Variants in MED25 observed in about 807,000 individuals in gnomAD.
MED25 encodes mediator complex subunit 25.
A neutral mutation model predicts 89.4 loss-of-function variants in MED25; 62 were observed. The observed-to-expected ratio is 0.69, with a 90% CI of 0.57 to 0.86. The LOEUF (loss-of-function observed/expected upper bound fraction) is 0.86, where lower values mean the gene tolerates loss of function less well. Ranked by LOEUF, MED25 falls within the 40% of genes least tolerant of loss-of-function variation. The probability of loss-of-function intolerance (pLI) is 0.00; values close to 1 mark genes in which losing one functional copy is unlikely to be tolerated. For synonymous variants in MED25, 449 were observed against 427.9 expected (o/e 1.05, Z -0.61); for missense variants, 905 against 1,005.2 (o/e 0.90, Z 1.35).
At chr19:49,824,794 C>T (rs1003753183) in intron 3 of MED25, among the ~76,000 whole-genome samples, 6 of 152,126 alleles carry the variant, frequency 3.9e-5, no homozygotes, top group Non-Finnish European at 7.4e-5. Flanking sequence ...GGTGACAGGC[C>T]GTGTGTAGGG....
At chr19:49,837,373 G>A (rs945846910), downstream of MED25, among the ~76,000 whole-genome samples, 2 of 152,250 alleles carry the variant, frequency 1.3e-5, no homozygotes, top group Admixed American at 6.5e-5. Flanking sequence ...ACATTGAGAG[G>A]AGCAAGTTGA....
intron 3 of MED25, among the ~76,000 whole-genome samples, chr19:49,826,650 T>C (rs2074017746): frequency 6.6e-6 from 1 of 152,202 alleles, no homozygotes; most frequent in African/African-American, 2.4e-5. Context: ...GGAGAGAAGC[T>C]TGACAGCTGC....
intron 3 of MED25, among the ~76,000 whole-genome samples, chr19:49,827,952 G>A (rs533461707): frequency 4.0e-4 from 61 of 152,180 alleles, no homozygotes; most frequent in Non-Finnish European, 7.5e-4. Context: ...AATGTCGGCC[G>A]GGTGTGGTGG....
chr19:49,835,703 C>A lies in MED25; in HGVS notation c.1747-24C>A. On this transcript the variant is annotated intron_variant, in intron 15 of 17. Coordinates refer to ENST00000312865, the MANE Select transcript of MED25 (RefSeq NM_030973.4). This position sits in a 1 kb window ranked among gnomAD's most constrained non-coding sequence, Gnocchi z 6.2. ...GGCGTGAGGCCCTGCCCATCTCCCT[C>A]ACCCCTGTGTCTCTTCCCACCAGCT... 6.2e-7 allele frequency: 1 copy of A among 1,603,726 alleles called. No individual in the cohort carries two copies. The highest frequency in any genetic ancestry group is 1.1e-5 in the South Asian group (1 of 89,496).
intron 3 of MED25, among the ~76,000 whole-genome samples, chr19:49,826,784 C>T (rs542045263): frequency 3.3e-5 from 5 of 152,292 alleles, no homozygotes; most frequent in South Asian, 4.1e-4. Context: ...CCATCCGGGC[C>T]GGAATGGGTG....
Position 49,829,807 on chromosome 19 carries a change from G to T in MED25, c.547G>T (p.Val183Leu). 1 of 1,600,552 alleles carries T rather than the reference G, an allele frequency of 6.2e-7. No individual in the cohort carries two copies. Among genetic ancestry groups the T allele is most frequent in the Non-Finnish European group, 8.5e-7 (1 of 1,173,794 alleles). Residue 183 changes from valine (V) to leucine (L), a missense_variant, in exon 6 of 18, where the codon GTG becomes TTG. By Grantham distance (32) the Val-to-Leu change is conservative. Coordinates refer to ENST00000312865, the MANE Select transcript of MED25 (RefSeq NM_030973.4). This position sits in a 1 kb window ranked among gnomAD's most constrained non-coding sequence, Gnocchi z 4.6. The stretch of plus-strand genomic sequence containing the variant: ...ACAGCGGGGGATCCACTTCTCCATT[G>T]TGTCTCCCCGGAAGCTGCCTGCGCT... The part of the protein sequence containing the change: ...IGERGIHFSI[V>L]SPRKLPALRL...
downstream of MED25, chr19:49,839,107 A>G (rs1377888113): frequency 3.5e-6 from 1 of 285,064 alleles, no homozygotes; most frequent in Non-Finnish European, 6.8e-6. Flanking sequence ...CGCTGCTCAT[A>G]AACTATTACC....
At chr19:49,820,728 C>T (rs2073975954) in intron 3 of MED25, among the ~76,000 whole-genome samples, 1 of 152,212 alleles carries the variant, frequency 6.6e-6, no homozygotes, top group African/African-American at 2.4e-5. Context: ...GAACTTATTT[C>T]TCTTTTTAAT....
intron 3 of MED25, among the ~76,000 whole-genome samples, chr19:49,828,070 A>C (rs549866148): frequency 6.6e-6 from 1 of 152,282 alleles, no homozygotes; most frequent in South Asian, 2.1e-4. Flanking sequence ...TCTACTAAAA[A>C]TACAAAAAAT....
rs2074064696 is a variant in MED25 at position 49,832,375 on chromosome 19, A to G, written c.1442A>G (p.Glu481Gly). The G allele has an allele frequency of 3.1e-6, 5 of 1,611,010 alleles. No homozygotes were observed. The highest frequency in any genetic ancestry group is 4.2e-6 in the Non-Finnish European group (5 of 1,178,392). ...VQFHFTNKDL[E>G]SLKGLYRIMG... ...TTCCATTTCACCAACAAGGACCTGG[A>G]GTCTCTCAAAGGCCTCTACCGCATC... Residue 481 changes from glutamate to glycine, a missense_variant, in exon 13 of 18, where the codon GAG becomes GGG. This residue lies in a region of MED25 where 133 missense variants were observed against 220.2 expected (regional missense o/e 0.60). Transcript: ENST00000312865.
At chr19:49,823,975 C>T (rs867471150) in intron 3 of MED25, among the ~76,000 whole-genome samples, 5 of 152,056 alleles carry the variant, frequency 3.3e-5, no homozygotes, top group African/African-American at 4.8e-5. Flanking sequence ...GGGAAGGGGG[C>T]GCAAAATGTA....
Position 49,836,046 on chromosome 19 carries a change from T to G in MED25, c.1965+101T>G. On this transcript the variant is annotated intron_variant, in intron 16 of 17. Coordinates refer to ENST00000312865, the MANE Select transcript of MED25 (RefSeq NM_030973.4). The surrounding 1 kb of genome is among the most constrained non-coding windows in gnomAD (Gnocchi z 5.1). ...GGAGGTTGACTGTGGTCAGTGGGTG[T>G]GAATGGGGACCCGCCCAGGGCTTTA... 1 of 1,557,262 alleles carries G rather than the reference T, an allele frequency of 6.4e-7. No individual in the cohort carries two copies. The highest frequency in any genetic ancestry group is 8.7e-7 in the Non-Finnish European group (1 of 1,152,134).
intron 3 of MED25, among the ~76,000 whole-genome samples, chr19:49,822,779 C>T (rs2073992334): frequency 6.6e-6 from 1 of 151,096 alleles, no homozygotes; most frequent in South Asian, 2.1e-4. Context: ...TCCTGAGTAG[C>T]TGGGACTACA....
intron 3 of MED25, among the ~76,000 whole-genome samples, chr19:49,822,736 C>A (rs2073991989): frequency 6.7e-6 from 1 of 148,834 alleles, no homozygotes. Context: ...CAAGCTCCGC[C>A]TCCCGAGTTC....
downstream of MED25, among the ~76,000 whole-genome samples, chr19:49,838,080 G>T (rs566865935): frequency 6.6e-6 from 1 of 152,252 alleles, no homozygotes; most frequent in South Asian, 2.1e-4. Context: ...CTCTGGACCA[G>T]TGTTGCTGAG....
rs867520252 is a variant in MED25, at chr19:49,834,555, G to T, written c.1483-431G>T. ...GTGGTGTACACTGGCCGGTGCTGAG[G>T]GCTGGAGGATCTCTTGGATACCCGG... is the stretch of plus-strand genomic sequence containing the variant. On this transcript the variant is annotated intron_variant, in intron 13 of 17. Transcript: ENST00000312865. This position sits in a 1 kb window ranked among gnomAD's most constrained non-coding sequence, Gnocchi z 4.1. The T allele has an allele frequency of 1.4e-5, 4 of 288,984 alleles. No homozygotes were observed. The highest frequency in any genetic ancestry group is 1.3e-3 in the Middle Eastern group (1 of 776). 17.9% of individuals were successfully genotyped at this position (288,984 alleles called of 1,614,324 possible). A position where few individuals can be genotyped will look rare whatever the true frequency, so the allele number is the denominator to read the frequency against.
chr19:49,838,365 CT>C (rs1313797342), downstream of MED25: 10 of 355,354 alleles, frequency 2.8e-5, no homozygotes, highest in Non-Finnish European at 2.2e-5. Context: ...ATTGGCACCC[CT>C]GGGCCCGCCC....
rs544440658 is a variant in MED25, at chr19:49,831,573, A to G, written c.1230+112A>G. Reference sequence around the variant, plus strand: ...GGTCTGCAGTGCTGGGTTTGGAGGCATTCGTTGCGCTGGACCTGTGGGATG... The same window carrying G: ...GGTCTGCAGTGCTGGGTTTGGAGGCGTTCGTTGCGCTGGACCTGTGGGATG... On this transcript the variant is annotated intron_variant, in intron 10 of 17. Transcript: ENST00000312865. This position sits in a 1 kb window ranked among gnomAD's most constrained non-coding sequence, Gnocchi z 5.0. 1.6e-5 allele frequency: 21 copies of G among 1,353,384 alleles called. No individual in the cohort carries two copies. In the East Asian group the frequency reaches 5.2e-4, roughly 34 times the overall value. 83.8% of individuals were successfully genotyped at this position (1,353,384 alleles called of 1,614,324 possible). A position where few individuals can be genotyped will look rare whatever the true frequency, so the allele number is the denominator to read the frequency against.
chr19:49,818,849 C>G, intron 2 of MED25: 1 of 590,784 alleles, frequency 1.7e-6, no homozygotes, highest in Non-Finnish European at 3.0e-6. Flanking sequence ...AGCTAGGGGC[C>G]CAGATCCCTG....
Sources: allele counts gnomAD v4.1 joint callset (sites outside exome capture counted in the v4.1 genomes callset), GRCh38; gene constraint gnomAD v4.1.1; regional missense constraint gnomAD v4.1.1; non-coding constraint Gnocchi (gnomAD v3.1); transcripts MANE v1.5; gene names NCBI Gene and HGNC (gene_info 2026-07-23, HGNC 2026-07-21).